The following SMYD3 variants were observed in gnomAD, a reference collection of about 807,000 sequenced individuals.
The protein encoded by SMYD3 is histone-lysine N-methyltransferase SMYD3.
SMYD3 carries 36 observed loss-of-function variants against 57.7 expected under a neutral mutation model. That is an observed-to-expected ratio of 0.62 (90% confidence interval 0.48 to 0.82). SMYD3 has a LOEUF of 0.82. SMYD3 is among the 40% of genes least tolerant of loss of function. The pLI, the probability that SMYD3 is intolerant of heterozygous loss-of-function variation, is 0.00. For synonymous variants in SMYD3, 211 were observed against 195.0 expected, an observed-to-expected ratio of 1.08 and a Z score of -0.68; for missense variants, 515 against 538.8, an observed-to-expected ratio of 0.96 and a Z score of 0.44.
chr1:246,254,785 G>A (rs542712597), intron 5 of SMYD3, among the ~76,000 whole-genome samples: 4 of 152,228 alleles, frequency 2.6e-5, no homozygotes, highest in African/African-American at 9.6e-5. Context: ...CTTTCCACTT[G>A]TTTGTGTCAT....
At chr1:245,822,279 CA>C (rs2049204538) in intron 10 of SMYD3, among the ~76,000 whole-genome samples, 1 of 150,966 alleles carries the variant, frequency 6.6e-6, no homozygotes, top group African/African-American at 2.4e-5. Flanking sequence ...TCATCATTCT[CA>C]GTAAACTATC....
intron 1 of SMYD3, among the ~76,000 whole-genome samples, chr1:246,391,119 C>T (rs1405242622): frequency 6.6e-6 from 1 of 151,154 alleles, no homozygotes. Flanking sequence ...GGTGCGATGG[C>T]TCATGTCTAT....
chr1:245,878,357 G>A (rs2052603027), intron 8 of SMYD3, among the ~76,000 whole-genome samples: 1 of 152,190 alleles, frequency 6.6e-6, no homozygotes, highest in African/African-American at 2.4e-5. Context: ...CCCAACAGAT[G>A]GGGCAGCAAG....
At chr1:246,238,917 A>T (rs2063556075) in intron 5 of SMYD3, among the ~76,000 whole-genome samples, 1 of 139,060 alleles carries the variant, frequency 7.2e-6, no homozygotes, top group Non-Finnish European at 1.5e-5. Flanking sequence ...TTTTGAGGGA[A>T]ATTACTTTTT....
At chr1:246,390,757 T>G (rs1446508887) in intron 1 of SMYD3, among the ~76,000 whole-genome samples, 1 of 152,176 alleles carries the variant, frequency 6.6e-6, no homozygotes, top group Non-Finnish European at 1.5e-5. Context: ...TGTATTTCAC[T>G]TTAGCACACA....
chr1:245,929,830 A>C (rs757995223), intron 6 of SMYD3, 40 bp downstream of exon 6: 1 of 1,520,502 alleles, frequency 6.6e-7, no homozygotes. Context: ...GGTGGGAATG[A>C]AAGTGTGTCT....
rs75886130 is a variant in SMYD3 at position 246,257,321 on chromosome 1, T to G, written c.531+69880A>C. ...TTTCCTAGGTCTTGTTTTATCAATG[T>G]GGCTACTCCAATATTGGGTACATAT... On this transcript the variant is annotated intron_variant, in intron 5 of 11. Transcript: ENST00000490107. Among the ~76,000 whole-genome samples the G allele has an allele frequency of 3.3e-4, 50 of 152,358 alleles. No homozygotes were observed. In the East Asian group the frequency reaches 7.3e-3, roughly 22 times the overall value.
rs966720788 is a variant in SMYD3, at chr1:246,017,903, T to C, written c.532-87966A>G. Among the ~76,000 whole-genome samples, 21 of 152,296 alleles carry C rather than the reference T, an allele frequency of 1.4e-4. No homozygotes were observed. In the South Asian group the frequency reaches 2.1e-3, roughly 15 times the overall value. ...CACAGATTTGGCTAGCAGGAGCCTC[T>C]TCAAGCTGACTCCTATGTCCTTCTG... On this transcript the variant is annotated intron_variant, in intron 5 of 11. Transcript: ENST00000490107.
At chr1:246,130,371 A>C (rs528199797) in intron 5 of SMYD3, among the ~76,000 whole-genome samples, 2 of 152,256 alleles carry the variant, frequency 1.3e-5, no homozygotes, top group Admixed American at 6.5e-5. Flanking sequence ...TCTCCCAAAA[A>C]CCAAAATATT....
At chr1:245,953,191 A>G (rs1218465254) in intron 5 of SMYD3, 1 of 971,318 alleles carries the variant, frequency 1.0e-6, no homozygotes, top group Non-Finnish European at 1.2e-6. Context: ...CATAATATAT[A>G]TTATCAGTAT....
chr1:246,424,454 C>A (rs1488554815), intron 1 of SMYD3, among the ~76,000 whole-genome samples: 4 of 152,000 alleles, frequency 2.6e-5, no homozygotes, highest in Admixed American at 2.6e-4. Flanking sequence ...CTTACTAAAA[C>A]ATGGCAAGAA....
At chr1:245,962,616 T>C (rs1477551290) in intron 5 of SMYD3, among the ~76,000 whole-genome samples, 2 of 152,156 alleles carry the variant, frequency 1.3e-5, no homozygotes, top group Non-Finnish European at 2.9e-5. Context: ...GGTGAAGAGA[T>C]GGAGAAACAA....
chr1:245,920,955 A>C (rs556619017), intron 7 of SMYD3, among the ~76,000 whole-genome samples: 1 of 152,342 alleles, frequency 6.6e-6, no homozygotes, highest in South Asian at 2.1e-4. Context: ...CCTAAACTAA[A>C]GAGTTTCTGC....
chr1:246,152,880 G>GT (rs1491061319), intron 5 of SMYD3, among the ~76,000 whole-genome samples: 8 of 150,406 alleles, frequency 5.3e-5, no homozygotes, highest in Non-Finnish European at 7.4e-5. Context: ...TGAGGACTGT[G>GT]TTACTACACA....
intron 1 of SMYD3, among the ~76,000 whole-genome samples, chr1:246,402,753 A>ATTT (rs2066793516): frequency 6.6e-6 from 1 of 152,164 alleles, no homozygotes; most frequent in African/African-American, 2.4e-5. Flanking sequence ...ACCTAAATAA[A>ATTT]ACATGAGCAA....
At chr1:245,987,900 TAAAAA>T (rs2058734429) in intron 5 of SMYD3, among the ~76,000 whole-genome samples, 1 of 152,032 alleles carries the variant, frequency 6.6e-6, no homozygotes, top group African/African-American at 2.4e-5. Flanking sequence ...CTCTGAAACT[TAAAAA>T]GAAAAAAGAA....
chr1:245,956,366 T>A (rs1283501393), intron 5 of SMYD3, among the ~76,000 whole-genome samples: 1 of 152,208 alleles, frequency 6.6e-6, no homozygotes, highest in Non-Finnish European at 1.5e-5. Flanking sequence ...CAGCACATGC[T>A]CAGATGCTCA....
chr1:246,501,891 T>C (rs950832917), intron 1 of SMYD3, among the ~76,000 whole-genome samples: 1 of 152,176 alleles, frequency 6.6e-6, no homozygotes, highest in African/African-American at 2.4e-5. Context: ...ATTTCCAATC[T>C]CTCCTAAGGC....
chr1:245,881,866 G>T (rs2052796461), intron 8 of SMYD3, among the ~76,000 whole-genome samples: 1 of 152,138 alleles, frequency 6.6e-6, no homozygotes, highest in Non-Finnish European at 1.5e-5. Context: ...AGATGATTTT[G>T]GACAGAGGGA....
Sources: gnomAD v4.1 joint callset for allele counts (sites outside exome capture counted in the v4.1 genomes callset) on GRCh38, gnomAD v4.1.1 for gene constraint, MANE v1.5 for transcripts, NCBI Gene and HGNC (gene_info 2026-07-23, HGNC 2026-07-21) for gene names.